Variants in PLCH1 observed in about 807,000 individuals in gnomAD.
PLCH1 encodes phospholipase C eta 1.
A neutral mutation model predicts 126.7 loss-of-function variants in PLCH1; 60 were observed. That is an observed-to-expected ratio of 0.47 (90% CI 0.38 to 0.59). The LOEUF (loss-of-function observed/expected upper bound fraction) is 0.59, where lower values mean the gene tolerates loss of function less well. PLCH1 is among the 20% of genes least tolerant of loss of function. The pLI is 0.00. For missense variants in PLCH1, 1,723 were observed against 2,040.0 expected (o/e 0.84, Z 2.99); for synonymous variants, 719 against 734.9 (o/e 0.98, Z 0.35).
chr3:155,656,140 T>C (rs1020745593), intron 2 of PLCH1, among the ~76,000 whole-genome samples: 5 of 151,768 alleles, frequency 3.3e-5, no homozygotes, highest in African/African-American at 9.7e-5. Flanking sequence ...AATAGTTCAA[T>C]TTTCATAGAA....
chr3:155,636,737 A>G (rs1738766333), intron 2 of PLCH1, among the ~76,000 whole-genome samples: 1 of 144,016 alleles, frequency 6.9e-6, no homozygotes, highest in African/African-American at 2.6e-5. Context: ...CAAGAGTGAA[A>G]CTCCATCTCA....
intron 12 of PLCH1, among the ~76,000 whole-genome samples, chr3:155,511,848 G>C (rs1576870366): frequency 1.3e-5 from 2 of 152,052 alleles, no homozygotes; most frequent in East Asian, 3.9e-4. Context: ...TACAGAGGCA[G>C]GCAGGCCTCC....
chr3:155,669,761 G>A (rs1328832571), intron 2 of PLCH1, among the ~76,000 whole-genome samples: 1 of 152,150 alleles, frequency 6.6e-6, no homozygotes, highest in East Asian at 1.9e-4. Context: ...AGAGGCACCT[G>A]TTTACTAAGT....
intron 2 of PLCH1, among the ~76,000 whole-genome samples, chr3:155,686,151 AAG>A (rs979253067): frequency 2.0e-5 from 3 of 152,214 alleles, no homozygotes; most frequent in African/African-American, 4.8e-5. Context: ...TGTGTATAGA[AAG>A]AGAGTGTACA....
At chr3:155,697,725 G>A (rs1745936840) in intron 2 of PLCH1, among the ~76,000 whole-genome samples, 1 of 152,230 alleles carries the variant, frequency 6.6e-6, no homozygotes. Flanking sequence ...GGCACAGGAA[G>A]CTGTGCTCTA....
intron 10 of PLCH1, among the ~76,000 whole-genome samples, chr3:155,545,783 A>G (rs1404506339): frequency 2.0e-5 from 3 of 152,090 alleles, no homozygotes; most frequent in Non-Finnish European, 4.4e-5. Context: ...ACCAAAGACA[A>G]AAACCACATG....
intron 14 of PLCH1, among the ~76,000 whole-genome samples, chr3:155,498,893 T>C (rs770277784): frequency 2.0e-5 from 3 of 152,126 alleles, no homozygotes; most frequent in Non-Finnish European, 4.4e-5. Context: ...GACCATCACA[T>C]TCCCCTCACA....
intron 22 of PLCH1, 62 bp downstream of exon 22, chr3:155,485,294 T>C: frequency 9.7e-7 from 1 of 1,027,458 alleles, no homozygotes; most frequent in Non-Finnish European, 1.5e-6. Flanking sequence ...TTCATAATGG[T>C]AAACAGGGAC....
intron 10 of PLCH1, among the ~76,000 whole-genome samples, chr3:155,526,903 T>C (rs1722027020): frequency 6.6e-6 from 1 of 152,196 alleles, no homozygotes; most frequent in South Asian, 2.1e-4. Flanking sequence ...GAAGATACCA[T>C]TTCCAACACA....
At chr3:155,542,160 G>A (rs1315824970) in intron 10 of PLCH1, among the ~76,000 whole-genome samples, 1 of 152,178 alleles carries the variant, frequency 6.6e-6, no homozygotes, top group Non-Finnish European at 1.5e-5. Flanking sequence ...ACGGCACCTG[G>A]AAAATCGGGT....
intron 2 of PLCH1, among the ~76,000 whole-genome samples, chr3:155,686,866 A>T (rs182278627): frequency 1.1e-4 from 17 of 152,260 alleles, no homozygotes; most frequent in Admixed American, 7.9e-4. Flanking sequence ...CTTTCTATTT[A>T]AAAAAATGAA....
intron 2 of PLCH1, among the ~76,000 whole-genome samples, chr3:155,692,419 C>G (rs1745454731): frequency 6.6e-6 from 1 of 151,672 alleles, no homozygotes; most frequent in Non-Finnish European, 1.5e-5. Context: ...TCAAAATCAC[C>G]TGAAGATAGA....
At chr3:155,596,505 A>T in intron 2 of PLCH1, 127 bp from the exon 3 acceptor site, 1 of 643,216 alleles carries the variant, frequency 1.6e-6, no homozygotes. Context: ...CAAATTTGGT[A>T]GAGGTAATCT....
intron 1 of PLCH1, among the ~76,000 whole-genome samples, chr3:155,744,245 G>T (rs1326721858): frequency 6.6e-6 from 1 of 152,160 alleles, no homozygotes; most frequent in African/African-American, 2.4e-5. Flanking sequence ...CCGCGGGGCC[G>T]GGGTTTGCCT....
intron 9 of PLCH1, among the ~76,000 whole-genome samples, chr3:155,550,760 A>G (rs895623777): frequency 2.0e-5 from 3 of 152,238 alleles, no homozygotes; most frequent in Non-Finnish European, 4.4e-5. Context: ...ATGTCTTCAG[A>G]CATAATAGGC....
At chr3:155,568,150 C>A (rs79162523) in intron 7 of PLCH1, 81 bp downstream of exon 7, 13,612 of 665,258 alleles carry the variant, frequency 0.02, 191 homozygotes, top group Middle Eastern at 0.032. Flanking sequence ...GTCCTGATTT[C>A]TTTTCCTAAA....
At chr3:155,683,797 C>A (rs1744716637) in intron 2 of PLCH1, among the ~76,000 whole-genome samples, 2 of 152,172 alleles carry the variant, frequency 1.3e-5, no homozygotes, top group South Asian at 4.1e-4. Context: ...ATTAAATTCT[C>A]AAAACTTACT....
At chr3:155,640,694 T>C (rs962558609) in intron 2 of PLCH1, among the ~76,000 whole-genome samples, 1 of 152,224 alleles carries the variant, frequency 6.6e-6, no homozygotes, top group South Asian at 2.1e-4. Context: ...TGAAAACTCA[T>C]TCTTTGTCAC....
At position 155,481,165 on chromosome 3, in the gene PLCH1, G is replaced by A. The variant is rs1340124225; in HGVS notation, c.4861C>T (p.His1621Tyr). Residue 1621 changes from histidine (H) to tyrosine (Y), a missense_variant, in exon 23 of 23, where the codon CAC becomes TAC. By Grantham distance (83) the His-to-Tyr change is moderately conservative. This residue lies in a region of PLCH1 where 947 missense variants were observed against 977.1 expected (regional missense o/e 0.97). Coordinates refer to ENST00000460012, the MANE Select transcript of PLCH1 (RefSeq NM_014996.4). This position sits in a 1 kb window ranked among gnomAD's most constrained non-coding sequence, Gnocchi z 4.2. ...PSAPTPAVNR[H>Y]STGSYIAGYL... The stretch of plus-strand genomic sequence containing the variant: ...CCTGCGATGTAGGAGCCGGTGGAGT[G>A]GCGATTCACTGCAGGGGTGGGTGCT... 1.2e-6 allele frequency: 2 copies of A among 1,614,100 alleles called. No individual in the cohort carries two copies. Among genetic ancestry groups the A allele is most frequent in the Non-Finnish European group, 1.7e-6 (2 of 1,180,052 alleles).
Sources: gnomAD v4.1 joint callset for allele counts (sites outside exome capture counted in the v4.1 genomes callset) on GRCh38, gnomAD v4.1.1 for gene constraint, gnomAD v4.1.1 regional missense constraint, Gnocchi (gnomAD v3.1) non-coding constraint, MANE v1.5 for transcripts, NCBI Gene and HGNC (gene_info 2026-07-23, HGNC 2026-07-21) for gene names.